The following ATXN7L1 variants were observed in gnomAD, a reference collection of about 807,000 sequenced individuals.
ATXN7L1 encodes ataxin 7 like 1.
In ATXN7L1, 15 loss-of-function variants were observed where a neutral mutation model predicts 70.8. That is an observed-to-expected ratio of 0.21 (90% CI 0.14 to 0.33). The LOEUF (loss-of-function observed/expected upper bound fraction) is 0.33. Ranked by LOEUF, ATXN7L1 falls within the 10% of genes least tolerant of loss-of-function variation. The pLI is 1.00. For synonymous variants in ATXN7L1, 440 were observed against 445.1 expected (o/e 0.99, Z 0.14); for missense variants, 975 against 1,097.1 (o/e 0.89, Z 1.57).
At chr7:105,639,343 C>A in intron 6 of ATXN7L1, 144 bp downstream of exon 6, 1 of 524,160 alleles carries the variant, frequency 1.9e-6, no homozygotes, top group Non-Finnish European at 3.3e-6. Flanking sequence ...CTACCATGGA[C>A]GAGAAGAAAG....
intron 4 of ATXN7L1, among the ~76,000 whole-genome samples, chr7:105,657,702 CAAAAAAAAA>C (rs71155465): frequency 3.8e-4 from 10 of 26,114 alleles, no homozygotes; most frequent in African/African-American, 6.7e-4. Flanking sequence ...GACCCTGTCT[CAAAAAAAAA>C]AAAAAAAAAA....
chr7:105,644,086 A>C (rs770280439), intron 4 of ATXN7L1, among the ~76,000 whole-genome samples: 1 of 152,206 alleles, frequency 6.6e-6, no homozygotes, highest in Non-Finnish European at 1.5e-5. Flanking sequence ...AGTGAAGCCT[A>C]CTTAGCTATT....
At chr7:105,660,214 C>T (rs1270335920) in intron 4 of ATXN7L1, among the ~76,000 whole-genome samples, 1 of 152,088 alleles carries the variant, frequency 6.6e-6, no homozygotes, top group Non-Finnish European at 1.5e-5. Flanking sequence ...CCTGTGTGAC[C>T]CCCCGAGCCA....
intron 2 of ATXN7L1, among the ~76,000 whole-genome samples, chr7:105,826,104 A>G (rs1810830438): frequency 6.6e-6 from 1 of 152,264 alleles, no homozygotes; most frequent in South Asian, 2.1e-4. Flanking sequence ...TAAAAGAGTG[A>G]AAAGTGGTTG....
rs1459010362 is a variant in ATXN7L1, at chr7:105,605,404, C to T, written c.*2448G>A. The T allele has an allele frequency of 7.0e-6, 1 of 143,056 alleles. No homozygotes were observed. Among genetic ancestry groups the T allele is most frequent in the Non-Finnish European group, 1.5e-5 (1 of 67,140 alleles). The allele number at this position is 143,056 out of a possible 1,614,324, so 8.9% of individuals were successfully genotyped here. A position where few individuals can be genotyped will look rare whatever the true frequency, so the allele number is the denominator to read the frequency against. On this transcript the variant is annotated 3_prime_UTR_variant, in exon 12 of 12. Coordinates refer to ENST00000419735, the MANE Select transcript of ATXN7L1 (RefSeq NM_020725.2). The stretch of plus-strand genomic sequence containing the variant: ...ATACTGTGGGCTTTCCCTTTTTGCC[C>T]AGTTTTCCAGAAATATCCTCACCTT...
intron 3 of ATXN7L1, among the ~76,000 whole-genome samples, chr7:105,743,402 G>A (rs1798230430): frequency 6.6e-6 from 1 of 152,094 alleles, no homozygotes; most frequent in South Asian, 2.1e-4. Flanking sequence ...AGAGTCCCAG[G>A]GAGGCTGCCG....
rs117658252 is a variant in ATXN7L1, at chr7:105,793,679, C to A, written c.251-4971G>T. On this transcript the variant is annotated intron_variant, in intron 2 of 11. Transcript: ENST00000419735. Reference sequence around the variant, plus strand: ...AACTTTGTCCAAACACAATGTACAACCATCTCCCAAAGAGACAAAGCCAGA... The same window carrying A: ...AACTTTGTCCAAACACAATGTACAAACATCTCCCAAAGAGACAAAGCCAGA... Among the ~76,000 whole-genome samples, 77 of 152,294 alleles carry A rather than the reference C, an allele frequency of 5.1e-4. 3 individuals are homozygous for A. In the East Asian group the frequency reaches 0.015, roughly 29 times the overall value.
chr7:105,735,221 A>G (rs1797249686), intron 3 of ATXN7L1, among the ~76,000 whole-genome samples: 1 of 152,182 alleles, frequency 6.6e-6, no homozygotes, highest in African/African-American at 2.4e-5. Flanking sequence ...TCTGCTGGAT[A>G]CCTTTTATAC....
chr7:105,649,559 G>A, intron 4 of ATXN7L1: 1 of 987,852 alleles, frequency 1.0e-6, no homozygotes, highest in Non-Finnish European at 1.2e-6. Context: ...GCCCAGTGAT[G>A]TCTGCAAAAG....
At chr7:105,720,492 C>T (rs796513535) in intron 3 of ATXN7L1, among the ~76,000 whole-genome samples, 1 of 152,296 alleles carries the variant, frequency 6.6e-6, no homozygotes, top group East Asian at 1.9e-4. Flanking sequence ...GATCACAGCT[C>T]ACGGCAACCT....
intron 5 of ATXN7L1, among the ~76,000 whole-genome samples, chr7:105,642,319 G>C (rs1021366902): frequency 6.6e-6 from 1 of 152,162 alleles, no homozygotes; most frequent in African/African-American, 2.4e-5. Context: ...ATGGGGGATC[G>C]ACAGTTGTAA....
Position 105,733,831 on chromosome 7 carries a change from C to T in ATXN7L1, c.355+54773G>A, listed in dbSNP as rs1207957688. The stretch of plus-strand genomic sequence containing the variant: ...CCAACCACCCATCCATCCACCCCTC[C>T]ATCCGTCCACCCATCCATCCATCCA... On this transcript the variant is annotated intron_variant, in intron 3 of 11. Transcript: ENST00000419735. Among the ~76,000 whole-genome samples, 154 of 101,696 alleles carry T rather than the reference C, an allele frequency of 1.5e-3. 2 individuals are homozygous for T. Among genetic ancestry groups the T allele is most frequent in the Admixed American group, 2.2e-3 (21 of 9,568 alleles). The allele number at this position is 101,696 out of a possible 152,430, so 66.7% of individuals were successfully genotyped here. A position where few individuals can be genotyped will look rare whatever the true frequency, so the allele number is the denominator to read the frequency against.
At chr7:105,703,392 T>C (rs1311150157) in intron 3 of ATXN7L1, among the ~76,000 whole-genome samples, 1 of 152,050 alleles carries the variant, frequency 6.6e-6, no homozygotes, top group Non-Finnish European at 1.5e-5. Flanking sequence ...GGTCATCAGC[T>C]TGCAGGCAGT....
chr7:105,617,984 C>T, intron 9 of ATXN7L1: 1 of 456,770 alleles, frequency 2.2e-6, no homozygotes, highest in Non-Finnish European at 4.4e-6. Flanking sequence ...GGGTGCTACG[C>T]TCTCCAGAGT....
intron 3 of ATXN7L1, among the ~76,000 whole-genome samples, chr7:105,754,931 T>C (rs997639281): frequency 1.3e-5 from 2 of 152,228 alleles, no homozygotes; most frequent in Non-Finnish European, 2.9e-5. Context: ...CTCAAGCCTA[T>C]GCACTAAGTC....
At chr7:105,656,286 A>G (rs1438776245) in intron 4 of ATXN7L1, among the ~76,000 whole-genome samples, 3 of 152,254 alleles carry the variant, frequency 2.0e-5, no homozygotes, top group Non-Finnish European at 4.4e-5. Flanking sequence ...CCAAACAGCC[A>G]TAACTCCTTC....
chr7:105,667,556 G>A lies in ATXN7L1; in HGVS notation c.356-2268C>T, dbSNP rs574893886. Among the ~76,000 whole-genome samples, 15 of 135,140 alleles carry A rather than the reference G, an allele frequency of 1.1e-4. 4 individuals are homozygous for A. Among genetic ancestry groups the A allele is most frequent in the Non-Finnish European group, 2.1e-4 (13 of 62,610 alleles). The allele number at this position is 135,140 out of a possible 152,430, so 88.7% of individuals were successfully genotyped here. On this transcript the variant is annotated intron_variant, in intron 3 of 11. Coordinates refer to ENST00000419735, the MANE Select transcript of ATXN7L1 (RefSeq NM_020725.2). ...CTACTAAAAATACAAAAAATTAGCCGGGCGTAGTGGCGGGCGCCTGTAGTC... is the reference window on the plus strand; with the variant it reads ...CTACTAAAAATACAAAAAATTAGCCAGGCGTAGTGGCGGGCGCCTGTAGTC...
chr7:105,790,740 T>C (rs1255141592), intron 2 of ATXN7L1, among the ~76,000 whole-genome samples: 1 of 138,452 alleles, frequency 7.2e-6, no homozygotes, highest in Non-Finnish European at 1.5e-5. Flanking sequence ...AGGTCAGTTA[T>C]AGGAAACCCA....
rs145308468 is a variant in ATXN7L1, at chr7:105,836,163, G to A, written c.250+39649C>T. On this transcript the variant is annotated intron_variant, in intron 2 of 11. Coordinates refer to ENST00000419735, the MANE Select transcript of ATXN7L1 (RefSeq NM_020725.2). ...GCTGGGGGAGAAGGGGCATGGGATGGCACTGGGCTATGGGGGACCAGAGAT... is the reference window on the plus strand; with the variant it reads ...GCTGGGGGAGAAGGGGCATGGGATGACACTGGGCTATGGGGGACCAGAGAT... Among the ~76,000 whole-genome samples the A allele has an allele frequency of 1.3e-3, 198 of 152,294 alleles. 1 individual carries two copies. Among genetic ancestry groups the A allele is most frequent in the Middle Eastern group, 0.01 (3 of 294 alleles).
Sources: allele counts gnomAD v4.1 joint callset (sites outside exome capture counted in the v4.1 genomes callset), GRCh38; gene constraint gnomAD v4.1.1; transcripts MANE v1.5; gene names NCBI Gene and HGNC (gene_info 2026-07-23, HGNC 2026-07-21).